EEIG2: variants seen among roughly 807,000 people sequenced by gnomAD.
The protein encoded by EEIG2 is EEIG family member 2, also known as family with sequence similarity 102 member B.
chr1:108,606,297 T>A, the EEIG2 span: 4 of 1,332,314 alleles, frequency 3.0e-6, no homozygotes, highest in South Asian at 3.0e-5. Flanking sequence ...GTAATGTTGC[T>A]TATTGCTATT....
chr1:108,592,640 A>G, the EEIG2 span, among the ~76,000 whole-genome samples: 2 of 152,190 alleles, frequency 1.3e-5, no homozygotes, highest in Non-Finnish European at 2.9e-5. Flanking sequence ...TCTACGGGTC[A>G]TGAAAAATAT....
At chr1:108,604,390 A>G in the EEIG2 span, among the ~76,000 whole-genome samples, 1 of 152,222 alleles carries the variant, frequency 6.6e-6, no homozygotes, top group East Asian at 1.9e-4. Flanking sequence ...TATGTTTTGA[A>G]TAGAGTTAAA....
chr1:108,561,518 C>G, the EEIG2 span, among the ~76,000 whole-genome samples: 1 of 152,052 alleles, frequency 6.6e-6, no homozygotes, highest in Non-Finnish European at 1.5e-5. Context: ...AAAAAAATTC[C>G]GTCATCCCAT....
the EEIG2 span, among the ~76,000 whole-genome samples, chr1:108,622,126 C>T: frequency 5.3e-5 from 8 of 152,186 alleles, no homozygotes; most frequent in East Asian, 1.9e-4. Flanking sequence ...CATTGCACTC[C>T]AGCCTGGGAA....
At chr1:108,611,851 T>C in the EEIG2 span, among the ~76,000 whole-genome samples, 4 of 152,340 alleles carry the variant, frequency 2.6e-5, no homozygotes, top group African/African-American at 9.6e-5. Context: ...CTATTTGCAA[T>C]GATTTTAGCT....
At chr1:108,575,663 A>G in the EEIG2 span, among the ~76,000 whole-genome samples, 1 of 152,252 alleles carries the variant, frequency 6.6e-6, no homozygotes, top group Non-Finnish European at 1.5e-5. Context: ...AAATGCAACA[A>G]CATGGATGAA....
At chr1:108,565,414 A>G in the EEIG2 span, among the ~76,000 whole-genome samples, 2 of 152,320 alleles carry the variant, frequency 1.3e-5, no homozygotes, top group South Asian at 2.1e-4. Flanking sequence ...ACATGACTGT[A>G]TTTCTGAAGA....
the EEIG2 span, chr1:108,612,164 CT>C: frequency 6.3e-7 from 1 of 1,579,508 alleles, no homozygotes; most frequent in Admixed American, 1.7e-5. Context: ...ATATAATTCT[CT>C]TTCTTTTCAT....
chr1:108,618,490 G>A, the EEIG2 span, among the ~76,000 whole-genome samples: 1 of 152,180 alleles, frequency 6.6e-6, no homozygotes, highest in Non-Finnish European at 1.5e-5. Flanking sequence ...GATTAAAAGT[G>A]AAAGTTCATT....
the EEIG2 span, among the ~76,000 whole-genome samples, chr1:108,632,135 A>G: frequency 0.096 from 6,457 of 67,256 alleles, 437 homozygotes; most frequent in African/African-American, 0.21. Flanking sequence ...AAAAAAAAAA[A>G]AGAAGAAGAA....
the EEIG2 span, chr1:108,629,859 A>G: frequency 3.3e-6 from 2 of 611,934 alleles, no homozygotes; most frequent in Admixed American, 5.2e-5. Context: ...TATTTTATAA[A>G]TTAGTTTTTA....
At chr1:108,603,405 A>C in the EEIG2 span, among the ~76,000 whole-genome samples, 1 of 151,962 alleles carries the variant, frequency 6.6e-6, no homozygotes. Flanking sequence ...TCACTCTCTG[A>C]GAGTTTCAAC....
At chr1:108,576,993 C>T in the EEIG2 span, among the ~76,000 whole-genome samples, 1 of 150,626 alleles carries the variant, frequency 6.6e-6, no homozygotes, top group Non-Finnish European at 1.5e-5. Flanking sequence ...GCCATTCTAA[C>T]TGGTGTGAGA....
chr1:108,630,750 A>G, the EEIG2 span, among the ~76,000 whole-genome samples: 573 of 152,218 alleles, frequency 3.8e-3, 22 homozygotes, highest in East Asian at 0.067. Flanking sequence ...CTCCTTAACA[A>G]CCTGCTCCCC....
the EEIG2 span, among the ~76,000 whole-genome samples, chr1:108,590,622 G>C: frequency 1.3e-5 from 2 of 152,200 alleles, no homozygotes; most frequent in Non-Finnish European, 2.9e-5. Flanking sequence ...CGTGTCCAGC[G>C]TGACAGTTGG....
chr1:108,598,489 A>G, the EEIG2 span, among the ~76,000 whole-genome samples: 1 of 152,086 alleles, frequency 6.6e-6, no homozygotes, highest in Non-Finnish European at 1.5e-5. Context: ...AAGTACCTCC[A>G]GGTCCATCCT....
the EEIG2 span, chr1:108,635,335 T>A: frequency 1.5e-6 from 1 of 669,694 alleles, no homozygotes; most frequent in Non-Finnish European, 2.5e-6. Flanking sequence ...AACATCTACA[T>A]GGCAGTCTCC....
chr1:108,569,053 C>T, the EEIG2 span, among the ~76,000 whole-genome samples: 1 of 152,146 alleles, frequency 6.6e-6, no homozygotes, highest in Admixed American at 6.5e-5. Flanking sequence ...TTCAAAGTCA[C>T]ATATCAACTA....
the EEIG2 span, among the ~76,000 whole-genome samples, chr1:108,593,893 C>T: frequency 6.6e-6 from 1 of 152,110 alleles, no homozygotes; most frequent in Non-Finnish European, 1.5e-5. Flanking sequence ...ACAGCCTCAA[C>T]CTCCTGGGCT....
Sources: gnomAD v4.1 joint callset for allele counts (sites outside exome capture counted in the v4.1 genomes callset) on GRCh38, gnomAD v4.1.1 for gene constraint, MANE v1.5 for transcripts, NCBI Gene and HGNC (gene_info 2026-07-23, HGNC 2026-07-21) for gene names.